MSRA: variants seen among roughly 807,000 people sequenced by gnomAD.
The protein encoded by MSRA is mitochondrial peptide methionine sulfoxide reductase.
MSRA carries 54 observed loss-of-function variants against 31.3 expected under a neutral mutation model. The observed-to-expected ratio is 1.73, with a 90% CI of 1.39 to 2.17. MSRA has a LOEUF of 2.17. MSRA is among the 30% of genes most tolerant of loss of function. The pLI, the probability that MSRA is intolerant of heterozygous loss-of-function variation, is 0.00. For synonymous variants in MSRA, 169 were observed against 116.5 expected, an observed-to-expected ratio of 1.45 and a Z score of -2.90; for missense variants, 507 against 300.9, an observed-to-expected ratio of 1.69 and a Z score of -5.07.
intron 3 of MSRA, among the ~76,000 whole-genome samples, chr8:10,267,830 G>A (rs1479966337): frequency 2.0e-5 from 3 of 152,114 alleles, no homozygotes; most frequent in Non-Finnish European, 4.4e-5. Context: ...ATGGGCCAAA[G>A]GTCATGCATT....
At chr8:10,055,132 C>A (rs1482849859) in intron 1 of MSRA, among the ~76,000 whole-genome samples, 1 of 150,594 alleles carries the variant, frequency 6.6e-6, no homozygotes, top group Admixed American at 6.6e-5. Context: ...CGATGAAAAC[C>A]TTAAGTGTGG....
At chr8:10,306,239 A>G (rs1440982008) in intron 4 of MSRA, among the ~76,000 whole-genome samples, 1 of 152,148 alleles carries the variant, frequency 6.6e-6, no homozygotes, top group South Asian at 2.1e-4. Flanking sequence ...TTTCTCATCT[A>G]CAGAAAAAGG....
chr8:10,296,140 G>C (rs1168210022), intron 3 of MSRA, among the ~76,000 whole-genome samples: 1 of 152,170 alleles, frequency 6.6e-6, no homozygotes, highest in African/African-American at 2.4e-5. Context: ...GCAGTCTCCA[G>C]CAGAGGAAGC....
chr8:10,162,351 C>T (rs1442730603), intron 1 of MSRA, among the ~76,000 whole-genome samples: 1 of 152,096 alleles, frequency 6.6e-6, no homozygotes, highest in African/African-American at 2.4e-5. Context: ...CATGGGAGGA[C>T]GAAATGGGAG....
chr8:10,165,881 T>TA (rs1384203478), intron 1 of MSRA, among the ~76,000 whole-genome samples: 1 of 152,168 alleles, frequency 6.6e-6, no homozygotes, highest in Non-Finnish European at 1.5e-5. Flanking sequence ...TGTGAGCAGT[T>TA]ACCTTATCAC....
At position 10,315,482 on chromosome 8, in the gene MSRA, A is replaced by G. The variant is rs1339196254; in HGVS notation, c.437-4401A>G. Among the ~76,000 whole-genome samples, 3 of 152,360 alleles carry G rather than the reference A, an allele frequency of 2.0e-5. No individual in the cohort carries two copies. The East Asian group carries it at 5.8e-4, about 29-fold the overall frequency. ...CACTAATTATAAATAGAGTAATAGT[A>G]GACACTTAACTGTGCGTATCTATTT... On this transcript the variant is annotated intron_variant, in intron 4 of 5. Coordinates refer to ENST00000317173, the MANE Select transcript of MSRA (RefSeq NM_012331.5).
At chr8:10,327,902 C>T (rs1279635973) in intron 5 of MSRA, among the ~76,000 whole-genome samples, 1 of 152,044 alleles carries the variant, frequency 6.6e-6, no homozygotes, top group East Asian at 1.9e-4. Flanking sequence ...CACTGCACTC[C>T]AGCCTGGGCT....
chr8:10,162,907 A>G (rs952925529), intron 1 of MSRA, among the ~76,000 whole-genome samples: 5 of 152,132 alleles, frequency 3.3e-5, no homozygotes, highest in African/African-American at 9.7e-5. Context: ...TTCACGGAAT[A>G]TCATGGGGCC....
At chr8:10,272,709 C>T (rs370927085) in intron 3 of MSRA, among the ~76,000 whole-genome samples, 121 of 152,328 alleles carry the variant, frequency 7.9e-4, no homozygotes, top group African/African-American at 2.9e-3. Context: ...TACAGGAAAG[C>T]GTCCAAATGT....
intron 5 of MSRA, among the ~76,000 whole-genome samples, chr8:10,405,464 T>TA: frequency 6.6e-6 from 1 of 152,194 alleles, no homozygotes; most frequent in Non-Finnish European, 1.5e-5. Context: ...GCCAGATTCT[T>TA]AAAGAGAGAG....
chr8:10,394,477 T>G (rs181446861), intron 5 of MSRA, among the ~76,000 whole-genome samples: 1 of 152,382 alleles, frequency 6.6e-6, no homozygotes, highest in Non-Finnish European at 1.5e-5. Flanking sequence ...TGCACACGTT[T>G]TCTCATTTGA....
chr8:10,092,844 T>A (rs1798925863), intron 1 of MSRA, among the ~76,000 whole-genome samples: 1 of 152,196 alleles, frequency 6.6e-6, no homozygotes, highest in African/African-American at 2.4e-5. Flanking sequence ...TTATTTTAGA[T>A]TTTGCTTTGT....
At chr8:10,060,632 C>A (rs1156829367) in intron 1 of MSRA, among the ~76,000 whole-genome samples, 1 of 148,188 alleles carries the variant, frequency 6.7e-6, no homozygotes, top group Non-Finnish European at 1.5e-5. Context: ...GTCATACTTA[C>A]TTGAAGTTTT....
chr8:10,312,462 T>C (rs1327643096), intron 4 of MSRA, among the ~76,000 whole-genome samples: 2 of 152,230 alleles, frequency 1.3e-5, no homozygotes, highest in South Asian at 2.1e-4. Context: ...ACCACTGGCT[T>C]CATCAGTGAG....
At chr8:10,084,606 C>G (rs905261430) in intron 1 of MSRA, among the ~76,000 whole-genome samples, 1 of 152,180 alleles carries the variant, frequency 6.6e-6, no homozygotes, top group African/African-American at 2.4e-5. Context: ...CTTGGTCAAG[C>G]TAGTTAAGGT....
intron 1 of MSRA, among the ~76,000 whole-genome samples, chr8:10,116,785 T>C (rs1043932891): frequency 1.2e-4 from 18 of 151,536 alleles, no homozygotes; most frequent in Middle Eastern, 3.2e-3. Flanking sequence ...CTGACCAACA[T>C]GAAGAAGCCC....
At chr8:10,228,914 C>T (rs189581659) in intron 2 of MSRA, among the ~76,000 whole-genome samples, 547 of 152,124 alleles carry the variant, frequency 3.6e-3, no homozygotes, top group Non-Finnish European at 6.0e-3. Context: ...TCCTAGAAAA[C>T]GATACTCAGT....
chr8:10,224,532 T>A (rs1470646617), intron 2 of MSRA, among the ~76,000 whole-genome samples: 1 of 152,006 alleles, frequency 6.6e-6, no homozygotes, highest in Non-Finnish European at 1.5e-5. Context: ...CTGGGTCCCC[T>A]TTTCTCAAGA....
intron 1 of MSRA, among the ~76,000 whole-genome samples, chr8:10,138,866 C>G (rs894834472): frequency 1.3e-5 from 2 of 151,630 alleles, no homozygotes; most frequent in Admixed American, 1.3e-4. Context: ...ATGATAGCAG[C>G]AGCAGCAGCA....
Sources: allele counts gnomAD v4.1 joint callset (sites outside exome capture counted in the v4.1 genomes callset), GRCh38; gene constraint gnomAD v4.1.1; transcripts MANE v1.5; gene names NCBI Gene and HGNC (gene_info 2026-07-23, HGNC 2026-07-21).